The following ZC2HC1A variants were observed in gnomAD, a reference collection of about 807,000 sequenced individuals.
ZC2HC1A encodes zinc finger C2HC-type containing 1A, also known as zinc finger C2HC domain-containing protein 1A.
A neutral mutation model predicts 40.7 loss-of-function variants in ZC2HC1A; 28 were observed. The observed-to-expected ratio is 0.69, with a 90% CI of 0.51 to 0.94. ZC2HC1A has a LOEUF of 0.94. ZC2HC1A is among the 40% of genes least tolerant of loss of function. ZC2HC1A has a pLI of 0.00. For synonymous variants in ZC2HC1A, 129 were observed against 129.2 expected (o/e 1.00, Z 0.01); for missense variants, 389 against 386.3 (o/e 1.01, Z -0.06).
chr8:78,675,560 G>A (rs1809553150), intron 1 of ZC2HC1A, among the ~76,000 whole-genome samples: 2 of 151,874 alleles, frequency 1.3e-5, no homozygotes, highest in Non-Finnish European at 1.5e-5. Context: ...GTATCAGTTT[G>A]GATATCTTTA....
chr8:78,716,107 T>G (rs1186408400), intron 8 of ZC2HC1A, among the ~76,000 whole-genome samples: 1 of 150,920 alleles, frequency 6.6e-6, no homozygotes, highest in Non-Finnish European at 1.5e-5. Context: ...TTATTACTGT[T>G]TTTTTTTGTT....
intron 3 of ZC2HC1A, among the ~76,000 whole-genome samples, chr8:78,680,146 T>C (rs1236610510): frequency 1.3e-5 from 2 of 152,126 alleles, no homozygotes; most frequent in Non-Finnish European, 1.5e-5. Context: ...TACATAAGAT[T>C]ATCCATGGTG....
chr8:78,670,702 T>A (rs917792983), intron 1 of ZC2HC1A, among the ~76,000 whole-genome samples: 16 of 151,942 alleles, frequency 1.1e-4, no homozygotes, highest in African/African-American at 3.6e-4. Flanking sequence ...TAGAGAAAGG[T>A]AGGAGGTAGA....
At chr8:78,713,413 G>T (rs774814839) in intron 7 of ZC2HC1A, among the ~76,000 whole-genome samples, 2 of 151,708 alleles carry the variant, frequency 1.3e-5, no homozygotes, top group Non-Finnish European at 2.9e-5. Flanking sequence ...ATATTCATGG[G>T]TGTGTTTGTA....
At chr8:78,683,703 T>G (rs1013987191) in intron 3 of ZC2HC1A, among the ~76,000 whole-genome samples, 2 of 152,182 alleles carry the variant, frequency 1.3e-5, no homozygotes, top group African/African-American at 2.4e-5. Context: ...CTCATGCAAA[T>G]TTTTTCAGCA....
Position 78,696,659 on chromosome 8 carries a change from G to T in ZC2HC1A, c.505-748G>T, listed in dbSNP as rs1166255421. Among the ~76,000 whole-genome samples, 4 of 152,170 alleles carry T rather than the reference G, an allele frequency of 2.6e-5. No individual in the cohort carries two copies. The East Asian group carries it at 5.8e-4, about 22-fold the overall frequency. On this transcript the variant is annotated intron_variant, in intron 5 of 8. Coordinates refer to ENST00000263849, the MANE Select transcript of ZC2HC1A (RefSeq NM_016010.3). ...TCCAAGATAAGCTGAAAGATCTTAG[G>T]TCAATGCATACTCCATTAATTTAAG... is the stretch of plus-strand genomic sequence containing the variant.
intron 3 of ZC2HC1A, 24 bp from the exon 4 acceptor site, chr8:78,686,442 TA>T: frequency 7.6e-7 from 1 of 1,314,518 alleles, no homozygotes; most frequent in Non-Finnish European, 9.9e-7. Flanking sequence ...TTTATTTATT[TA>T]TTTATTTATT....
chr8:78,711,011 C>T (rs1810934580), intron 7 of ZC2HC1A, among the ~76,000 whole-genome samples: 1 of 152,104 alleles, frequency 6.6e-6, no homozygotes, highest in African/African-American at 2.4e-5. Context: ...TCAGATCTAT[C>T]TTATTTACCA....
intron 1 of ZC2HC1A, among the ~76,000 whole-genome samples, chr8:78,670,142 T>C (rs1276011840): frequency 6.6e-6 from 1 of 151,946 alleles, no homozygotes; most frequent in Non-Finnish European, 1.5e-5. Context: ...TAATTTTGTA[T>C]TTTTAGTAGA....
Position 78,689,831 on chromosome 8 carries a change from A to C in ZC2HC1A, c.504+458A>C, listed in dbSNP as rs371981601. On this transcript the variant is annotated intron_variant, in intron 5 of 8. Coordinates refer to ENST00000263849, the MANE Select transcript of ZC2HC1A (RefSeq NM_016010.3). ...AAAATGTGATTAAGTCCAATTTATTAATTCTTTATGATTTATGCTCCTTAT... is the reference window on the plus strand; with the variant it reads ...AAAATGTGATTAAGTCCAATTTATTCATTCTTTATGATTTATGCTCCTTAT... Among the ~76,000 whole-genome samples the C allele has an allele frequency of 1.1e-4, 16 of 152,186 alleles. No individual in the cohort carries two copies. The East Asian group carries it at 3.1e-3, about 29-fold the overall frequency.
intron 8 of ZC2HC1A, among the ~76,000 whole-genome samples, chr8:78,715,851 C>T (rs980735521): frequency 5.9e-5 from 9 of 151,628 alleles, no homozygotes; most frequent in African/African-American, 1.9e-4. Context: ...ACTAGCCTGG[C>T]CAACATGGTG....
intron 7 of ZC2HC1A, among the ~76,000 whole-genome samples, chr8:78,703,586 A>C (rs1313784416): frequency 6.7e-6 from 1 of 149,752 alleles, no homozygotes; most frequent in Non-Finnish European, 1.5e-5. Flanking sequence ...GTTTTATCAG[A>C]AATTAGGAGT....
At position 78,717,452 on chromosome 8, in the gene ZC2HC1A, A is replaced by G. The variant is rs1811142722; in HGVS notation, c.937A>G (p.Lys313Glu). 1 of 1,604,142 alleles carries G rather than the reference A, an allele frequency of 6.2e-7. No homozygotes were observed. Among genetic ancestry groups the G allele is most frequent in the South Asian group, 1.1e-5 (1 of 87,960 alleles). ...CGTKYPVEWAKFCCECGIRRM... is the reference protein window; with the variant it reads ...CGTKYPVEWAEFCCECGIRRM... ...GACTAAATACCCTGTAGAATGGGCC[A>G]AATTTTGCTGTGAATGTGGCATTCG... Residue 313 changes from lysine to glutamate, a missense_variant, in exon 9 of 9, where the codon AAA becomes GAA. Lys to Glu is a moderately conservative substitution (Grantham distance 56, BLOSUM62 1). Transcript: ENST00000263849.
Position 78,717,337 on chromosome 8 carries a change from G to C in ZC2HC1A, c.822G>C (p.Gly274=). 1 of 1,607,164 alleles carries C rather than the reference G, an allele frequency of 6.2e-7. No individual in the cohort carries two copies. Among genetic ancestry groups the C allele is most frequent in the Non-Finnish European group, 8.5e-7 (1 of 1,178,058 alleles). The part of the protein sequence containing the change: ...YTESYIARPD[G]DCASSLNGGN... ...TTCTTTACTTTTTTAGGCCAGATGG[G>C]GACTGTGCATCTTCCCTTAATGGTG... is the stretch of plus-strand genomic sequence containing the variant. Residue 274 remains glycine, a synonymous_variant, in exon 9 of 9, where the codon GGG becomes GGC. Coordinates refer to ENST00000263849, the MANE Select transcript of ZC2HC1A (RefSeq NM_016010.3).
In ZC2HC1A at chr8:78,717,404, C is replaced by G; in HGVS notation, c.889C>G (p.Pro297Ala). The part of the protein sequence containing the change: ...GIEGHSPGNL[P>A]KFCHECGTKY... ...TGAAGGACATTCACCTGGAAACTTA[C>G]CAAAATTCTGCCATGAGTGTGGGAC... is the stretch of plus-strand genomic sequence containing the variant. Residue 297 changes from proline to alanine, a missense_variant, in exon 9 of 9, where the codon CCA becomes GCA. By Grantham distance (27) the Pro-to-Ala change is conservative (BLOSUM62 -1). Transcript: ENST00000263849. 2 of 1,613,416 alleles carry G rather than the reference C, an allele frequency of 1.2e-6. No homozygotes were observed. Among genetic ancestry groups the G allele is most frequent in the Non-Finnish European group, 1.7e-6 (2 of 1,179,818 alleles).
At chr8:78,673,278 G>T (rs947072899) in intron 1 of ZC2HC1A, among the ~76,000 whole-genome samples, 2 of 152,158 alleles carry the variant, frequency 1.3e-5, no homozygotes, top group African/African-American at 4.8e-5. Flanking sequence ...GTATTCCATG[G>T]TAGACATGTG....
At position 78,666,092 on chromosome 8, in the gene ZC2HC1A, GC is replaced by G; in HGVS notation, c.-56del. On this transcript the variant is annotated 5_prime_UTR_variant, in exon 1 of 9. Coordinates refer to ENST00000263849, the MANE Select transcript of ZC2HC1A (RefSeq NM_016010.3). ...GTGCGGCTGGGTTGCTACAGCCAGA[GC>G]TGGGCGGTGGCGGGCGCTGCTGAAG... is the stretch of plus-strand genomic sequence containing the variant. The G allele has an allele frequency of 1.3e-6, 2 of 1,554,102 alleles. No individual in the cohort carries two copies. The highest frequency in any genetic ancestry group is 2.4e-5 in the South Asian group (2 of 84,292).
intron 2 of ZC2HC1A, among the ~76,000 whole-genome samples, chr8:78,678,182 C>T (rs372326970): frequency 4.7e-4 from 72 of 152,210 alleles, no homozygotes; most frequent in Middle Eastern, 6.8e-3. Context: ...CTTAGAATGC[C>T]TTAACTATCT....
intron 3 of ZC2HC1A, among the ~76,000 whole-genome samples, chr8:78,684,821 A>T (rs1809910552): frequency 6.6e-6 from 1 of 152,206 alleles, no homozygotes; most frequent in Non-Finnish European, 1.5e-5. Context: ...AGACTTCCAC[A>T]AAGTAAAAAA....
Sources: allele counts gnomAD v4.1 joint callset (sites outside exome capture counted in the v4.1 genomes callset), GRCh38; gene constraint gnomAD v4.1.1; transcripts MANE v1.5; gene names NCBI Gene and HGNC (gene_info 2026-07-23, HGNC 2026-07-21).